RHOJ: variants seen among roughly 807,000 people sequenced by gnomAD.
The protein encoded by RHOJ is ras homolog family member J, also known as rho-related GTP-binding protein RhoJ.
RHOJ carries 11 observed loss-of-function variants against 23.4 expected under a neutral mutation model. The ratio of observed to expected loss-of-function variants is 0.47; its 90% CI spans 0.30 to 0.78. The LOEUF (loss-of-function observed/expected upper bound fraction) is 0.78, where lower values mean the gene tolerates loss of function less well. RHOJ is among the 30% of genes least tolerant of loss of function. The pLI, the probability that RHOJ is intolerant of heterozygous loss-of-function variation, is 0.08. For synonymous variants in RHOJ, 102 were observed against 102.7 expected (o/e 0.99, Z 0.04); for missense variants, 254 against 273.4 (o/e 0.93, Z 0.50).
At chr14:63,221,089 G>A (rs1178758574) in intron 1 of RHOJ, among the ~76,000 whole-genome samples, 1 of 152,136 alleles carries the variant, frequency 6.6e-6, no homozygotes, top group Non-Finnish European at 1.5e-5. Context: ...AGCACTTTGG[G>A]AGTCGAAGGC....
At chr14:63,231,791 T>C (rs1894700518) in intron 1 of RHOJ, among the ~76,000 whole-genome samples, 1 of 152,242 alleles carries the variant, frequency 6.6e-6, no homozygotes, top group Admixed American at 6.5e-5. Flanking sequence ...TTGTTTCTGT[T>C]CATGTGGGAA....
At chr14:63,280,381 TAAGGA>T (rs1407958125) in intron 2 of RHOJ, among the ~76,000 whole-genome samples, 2 of 152,050 alleles carry the variant, frequency 1.3e-5, no homozygotes, top group African/African-American at 4.8e-5. Flanking sequence ...CAGAGGCAAG[TAAGGA>T]AAGGAAACGG....
At position 63,291,335 on chromosome 14, in the gene RHOJ, A is replaced by C; in HGVS notation, c.*311A>C. 2.6e-6 allele frequency: 1 copy of C among 378,140 alleles called. No homozygotes were observed. The highest frequency in any genetic ancestry group is 5.0e-6 in the Non-Finnish European group (1 of 199,822). The allele number at this position is 378,140 out of a possible 1,614,324, so 23.4% of individuals were successfully genotyped here. ...CTCACATTTTACAAATCCCCAGCTC[A>C]TGAACGTGAAGCTGATAGGAAATCA... On this transcript the variant is annotated 3_prime_UTR_variant, in exon 5 of 5. Coordinates refer to ENST00000316754, the MANE Select transcript of RHOJ (RefSeq NM_020663.5).
At chr14:63,287,621 A>T (rs1345694095) in intron 4 of RHOJ, among the ~76,000 whole-genome samples, 11 of 140,178 alleles carry the variant, frequency 7.8e-5, no homozygotes, top group Non-Finnish European at 6.2e-5. Context: ...TTTTCTTATC[A>T]CTCTTGTATC....
rs761524853 is a variant in RHOJ at position 63,269,129 on chromosome 14, C to T, written c.198C>T (p.Gly66=). ...DHYAVTVTVG[G]KQHLLGLYDT... is the part of the protein sequence containing the mutation. ...CCCTAGTTACTGTGACTGTGGGAGG[C>T]AAGCAACACTTGCTCGGACTGTATG... Residue 66 remains glycine (G), a synonymous_variant, in exon 2 of 5, where the codon GGC becomes GGT. Transcript: ENST00000316754. The T allele has an allele frequency of 1.2e-6, 2 of 1,613,158 alleles. No individual in the cohort carries two copies. The highest frequency in any genetic ancestry group is 1.7e-6 in the Non-Finnish European group (2 of 1,179,244).
In RHOJ at chr14:63,217,130, A is replaced by G. The variant is rs1174014011; in HGVS notation, c.178+12083A>G. On this transcript the variant is annotated intron_variant, in intron 1 of 4. Transcript: ENST00000316754. ...ACTTTAAGTTTTAGGGTACATGTGC[A>G]CATTGTGCAGGTTAGTTACATACGT... 4.0e-5 allele frequency among the ~76,000 whole-genome samples: 6 copies of G among 149,056 alleles called. 1 individual carries two copies. The highest frequency in any genetic ancestry group is 1.2e-4 in the African/African-American group (5 of 40,300).
chr14:63,279,504 G>A (rs982224298), intron 2 of RHOJ, among the ~76,000 whole-genome samples: 17 of 152,158 alleles, frequency 1.1e-4, no homozygotes, highest in African/African-American at 3.9e-4. Flanking sequence ...AGGTTTTACC[G>A]TGGAACCTCC....
At chr14:63,215,887 C>T (rs1400142766) in intron 1 of RHOJ, among the ~76,000 whole-genome samples, 1 of 152,090 alleles carries the variant, frequency 6.6e-6, no homozygotes. Context: ...AACATAATAG[C>T]CACCCGGAAC....
chr14:63,285,638 T>C (rs1213158647), intron 4 of RHOJ, among the ~76,000 whole-genome samples: 2 of 152,218 alleles, frequency 1.3e-5, no homozygotes, highest in Non-Finnish European at 1.5e-5. Flanking sequence ...TATTCATTAT[T>C]CTTTGACTTC....
intron 1 of RHOJ, among the ~76,000 whole-genome samples, chr14:63,213,028 G>T (rs1894274434): frequency 6.6e-6 from 1 of 152,170 alleles, no homozygotes; most frequent in Admixed American, 6.5e-5. Context: ...GTATTTTTAG[G>T]TTTTTGTAAT....
At chr14:63,264,570 T>C (rs976003086) in intron 1 of RHOJ, among the ~76,000 whole-genome samples, 1 of 152,216 alleles carries the variant, frequency 6.6e-6, no homozygotes, top group Non-Finnish European at 1.5e-5. Flanking sequence ...GGTCAAATGG[T>C]AGTTTTAAGT....
At chr14:63,256,487 G>A (rs1594768020) in intron 1 of RHOJ, among the ~76,000 whole-genome samples, 1 of 152,090 alleles carries the variant, frequency 6.6e-6, no homozygotes, top group Admixed American at 6.5e-5. Flanking sequence ...ATGCCAGAGC[G>A]ACAGCAAAGG....
At chr14:63,251,151 T>C (rs1209383600) in intron 1 of RHOJ, among the ~76,000 whole-genome samples, 1 of 152,212 alleles carries the variant, frequency 6.6e-6, no homozygotes, top group East Asian at 1.9e-4. Context: ...AGGGGTTATT[T>C]GTACAGTATC....
At chr14:63,226,266 A>G (rs1216015216) in intron 1 of RHOJ, among the ~76,000 whole-genome samples, 2 of 152,082 alleles carry the variant, frequency 1.3e-5, no homozygotes, top group Non-Finnish European at 2.9e-5. Context: ...TAATGAAACA[A>G]TTACCTCTAT....
At chr14:63,282,874 C>G (rs1365817235) in intron 3 of RHOJ, among the ~76,000 whole-genome samples, 1 of 151,826 alleles carries the variant, frequency 6.6e-6, no homozygotes, top group Admixed American at 6.6e-5. Flanking sequence ...CAGAATCATC[C>G]GAGTAGTCTT....
chr14:63,237,360 A>G (rs1332293082), intron 1 of RHOJ, among the ~76,000 whole-genome samples: 4 of 152,214 alleles, frequency 2.6e-5, no homozygotes, highest in African/African-American at 9.6e-5. Flanking sequence ...AAGCTTTAAA[A>G]TTTAAAAAGA....
intron 4 of RHOJ, among the ~76,000 whole-genome samples, chr14:63,285,391 C>T (rs1244707857): frequency 6.6e-6 from 1 of 152,118 alleles, no homozygotes; most frequent in African/African-American, 2.4e-5. Context: ...ACTGGAGTCC[C>T]TTATTTTCAT....
At chr14:63,228,108 C>T (rs1894627704) in intron 1 of RHOJ, among the ~76,000 whole-genome samples, 1 of 152,180 alleles carries the variant, frequency 6.6e-6, no homozygotes. Flanking sequence ...GTCCTATGAG[C>T]ATGTCCAAGC....
chr14:63,274,363 GC>G (rs1881648536), intron 2 of RHOJ, among the ~76,000 whole-genome samples: 1 of 152,168 alleles, frequency 6.6e-6, no homozygotes, highest in Non-Finnish European at 1.5e-5. Context: ...GGAGAAGTTT[GC>G]CCACATGACA....
Sources: gnomAD v4.1 joint callset for allele counts (sites outside exome capture counted in the v4.1 genomes callset) on GRCh38, gnomAD v4.1.1 for gene constraint, MANE v1.5 for transcripts, NCBI Gene and HGNC (gene_info 2026-07-23, HGNC 2026-07-21) for gene names.